Variants in ARHGAP15 observed in about 807,000 individuals in gnomAD.
ARHGAP15 encodes rho GTPase-activating protein 15.
In ARHGAP15, 51 loss-of-function variants were observed where a neutral mutation model predicts 63.7. The ratio of observed to expected loss-of-function variants is 0.80; its 90% CI spans 0.64 to 1.01. ARHGAP15 has a LOEUF of 1.01. Among genes scored for constraint, ARHGAP15 ranks in the 50% least tolerant of loss-of-function variants. ARHGAP15 has a pLI of 0.00. For synonymous variants in ARHGAP15, 191 were observed against 193.8 expected (o/e 0.99, Z 0.12); for missense variants, 560 against 564.6 (o/e 0.99, Z 0.08).
chr2:143,345,481 C>T (rs1685229289), intron 6 of ARHGAP15, among the ~76,000 whole-genome samples: 1 of 152,094 alleles, frequency 6.6e-6, no homozygotes, highest in African/African-American at 2.4e-5. Flanking sequence ...CACCCCAACC[C>T]CTAAAATATA....
chr2:143,457,238 A>G (rs1410644285), intron 8 of ARHGAP15, among the ~76,000 whole-genome samples: 1 of 152,038 alleles, frequency 6.6e-6, no homozygotes, highest in Middle Eastern at 3.2e-3. Context: ...CCAACATCCA[A>G]AAAATTATAG....
chr2:143,259,592 C>G (rs1160458895), intron 6 of ARHGAP15, among the ~76,000 whole-genome samples: 1 of 152,156 alleles, frequency 6.6e-6, no homozygotes, highest in African/African-American at 2.4e-5. Context: ...CATTTCAACA[C>G]TGGCTTCTCT....
At chr2:143,614,545 T>A (rs1159823617) in intron 11 of ARHGAP15, among the ~76,000 whole-genome samples, 1 of 152,132 alleles carries the variant, frequency 6.6e-6, no homozygotes, top group Non-Finnish European at 1.5e-5. Flanking sequence ...TCTATTGTCA[T>A]CATCGTTGGT....
In ARHGAP15 at chr2:143,301,294, G is replaced by T. The variant is rs145419984; in HGVS notation, c.474+50694G>T. Among the ~76,000 whole-genome samples the T allele has an allele frequency of 1.5e-4, 23 of 151,864 alleles. No homozygotes were observed. The East Asian group carries it at 3.7e-3, about 24-fold the overall frequency. ...TAATGTTTTGAAGATAATAAACAAA[G>T]CCCATTTGTTTATTACACTTCAGGA... On this transcript the variant is annotated intron_variant, in intron 6 of 13. Transcript: ENST00000295095.
chr2:143,446,849 G>A (rs1425301503), intron 8 of ARHGAP15, among the ~76,000 whole-genome samples: 3 of 140,518 alleles, frequency 2.1e-5, no homozygotes, highest in East Asian at 4.2e-4. Context: ...TCATTGTTCA[G>A]TTCCCACCTA....
chr2:143,445,163 T>TTA (rs1553482040), intron 8 of ARHGAP15, among the ~76,000 whole-genome samples: 6 of 129,992 alleles, frequency 4.6e-5, no homozygotes, highest in Non-Finnish European at 8.1e-5. Flanking sequence ...ATTTTTTTTT[T>TTA]TTTTTTTTTT....
chr2:143,512,009 G>T (rs1260784201), intron 9 of ARHGAP15, among the ~76,000 whole-genome samples: 1 of 152,148 alleles, frequency 6.6e-6, no homozygotes, highest in African/African-American at 2.4e-5. Flanking sequence ...CACTGTAAAT[G>T]ACAGAAACTT....
chr2:143,541,319 C>T (rs1006056903), intron 10 of ARHGAP15, among the ~76,000 whole-genome samples: 3 of 151,980 alleles, frequency 2.0e-5, no homozygotes, highest in East Asian at 1.9e-4. Flanking sequence ...GCCATTGGTT[C>T]GAACTTCCTC....
At chr2:143,355,400 G>A (rs1052400933) in intron 6 of ARHGAP15, among the ~76,000 whole-genome samples, 1 of 152,058 alleles carries the variant, frequency 6.6e-6, no homozygotes, top group Non-Finnish European at 1.5e-5. Context: ...ATGTTCTGAA[G>A]TTATACATTT....
At chr2:143,260,773 C>T (rs1041720969) in intron 6 of ARHGAP15, among the ~76,000 whole-genome samples, 3 of 152,028 alleles carry the variant, frequency 2.0e-5, no homozygotes, top group African/African-American at 7.2e-5. Flanking sequence ...AAAAATAATT[C>T]CTTCTTCAAA....
intron 6 of ARHGAP15, among the ~76,000 whole-genome samples, chr2:143,272,191 C>A (rs192960130): frequency 2.0e-4 from 30 of 152,308 alleles, no homozygotes; most frequent in African/African-American, 7.0e-4. Context: ...AAACAGGTCA[C>A]ACATGGTAGG....
At chr2:143,237,667 T>A (rs1351806326) in intron 5 of ARHGAP15, 1 of 152,184 alleles carries the variant, frequency 6.6e-6, no homozygotes, top group African/African-American at 2.4e-5. Flanking sequence ...GTGGAACTCA[T>A]TGTCACCAAT....
chr2:143,434,650 T>C (rs1395019794), intron 6 of ARHGAP15, among the ~76,000 whole-genome samples: 1 of 152,164 alleles, frequency 6.6e-6, no homozygotes, highest in Non-Finnish European at 1.5e-5. Flanking sequence ...TCTAAACCCC[T>C]GAACTCTGTG....
At chr2:143,157,305 C>T (rs1048220266) in intron 2 of ARHGAP15, among the ~76,000 whole-genome samples, 2 of 151,726 alleles carry the variant, frequency 1.3e-5, no homozygotes, top group African/African-American at 2.4e-5. Flanking sequence ...AAGGATTAAC[C>T]CTCTTAAAAC....
chr2:143,290,071 CAG>C (rs80197882), intron 6 of ARHGAP15, among the ~76,000 whole-genome samples: 9,877 of 152,056 alleles, frequency 0.065, 566 homozygotes, highest in Non-Finnish European at 0.086. Context: ...ATGAAACTGT[CAG>C]AGTGTAATGT....
Position 143,610,624 on chromosome 2 carries a change from C to T in ARHGAP15, c.1004-13509C>T, listed in dbSNP as rs80298254. ...GGTGTATTTTGCCTCATAAAATGTA[C>T]GGCATTGTAATTGTTATTAATTAGC... On this transcript the variant is annotated intron_variant, in intron 11 of 13. Coordinates refer to ENST00000295095, the MANE Select transcript of ARHGAP15 (RefSeq NM_018460.4). Among the ~76,000 whole-genome samples the T allele has an allele frequency of 1.7e-3, 262 of 152,228 alleles. 2 individuals are homozygous for T. The highest frequency in any genetic ancestry group is 6.0e-3 in the African/African-American group (249 of 41,550).
chr2:143,235,413 C>G (rs986250622), intron 5 of ARHGAP15, among the ~76,000 whole-genome samples: 4 of 151,910 alleles, frequency 2.6e-5, no homozygotes, highest in Admixed American at 2.6e-4. Flanking sequence ...ATGGACAGAG[C>G]CTGTGCACAA....
chr2:143,701,897 G>A (rs934055128), intron 12 of ARHGAP15, among the ~76,000 whole-genome samples: 1 of 152,130 alleles, frequency 6.6e-6, no homozygotes, highest in Non-Finnish European at 1.5e-5. Context: ...CAGAAAGGAG[G>A]AAAGGTACAC....
At chr2:143,137,949 A>T (rs1689212370) in intron 1 of ARHGAP15, among the ~76,000 whole-genome samples, 1 of 152,128 alleles carries the variant, frequency 6.6e-6, no homozygotes, top group African/African-American at 2.4e-5. Flanking sequence ...AATATCACCT[A>T]TTCATACTTT....
Sources: gnomAD v4.1 joint callset for allele counts (sites outside exome capture counted in the v4.1 genomes callset) on GRCh38, gnomAD v4.1.1 for gene constraint, MANE v1.5 for transcripts, NCBI Gene and HGNC (gene_info 2026-07-23, HGNC 2026-07-21) for gene names.